The following PTPRO variants were observed in gnomAD, a reference collection of about 807,000 sequenced individuals.
The protein encoded by PTPRO is protein tyrosine phosphatase receptor type O.
A neutral mutation model predicts 145.2 loss-of-function variants in PTPRO; 62 were observed. The observed-to-expected ratio is 0.43, with a 90% confidence interval of 0.35 to 0.53. The LOEUF is 0.53. Among genes scored for constraint, PTPRO ranks in the 20% least tolerant of loss-of-function variants. The pLI is 0.01. For synonymous variants in PTPRO, 565 were observed against 514.7 expected, an observed-to-expected ratio of 1.10 and a Z score of -1.32; for missense variants, 1,345 against 1,482.7, an observed-to-expected ratio of 0.91 and a Z score of 1.53.
intron 2 of PTPRO, among the ~76,000 whole-genome samples, chr12:15,489,639 A>G (rs543250333): frequency 1.3e-5 from 2 of 152,246 alleles, no homozygotes; most frequent in Admixed American, 6.5e-5. Context: ...TCTCATAGCC[A>G]TCTTGGTTTT....
intron 1 of PTPRO, chr12:15,440,415 C>A: frequency 3.8e-6 from 1 of 261,968 alleles, no homozygotes; most frequent in Non-Finnish European, 7.2e-6. Context: ...GATTTTTATA[C>A]AAGAAAAATA....
intron 23 of PTPRO, among the ~76,000 whole-genome samples, chr12:15,584,982 T>C (rs1944400026): frequency 1.3e-5 from 2 of 152,178 alleles, no homozygotes. Flanking sequence ...AGCTGGAGAC[T>C]AAAGATCATC....
chr12:15,460,940 G>A (rs901211204), intron 1 of PTPRO, among the ~76,000 whole-genome samples: 6 of 152,004 alleles, frequency 3.9e-5, no homozygotes, highest in Admixed American at 3.9e-4. Context: ...AAAATTCTCA[G>A]GCCCCAACCA....
chr12:15,383,862 T>G (rs7299930), intron 1 of PTPRO, among the ~76,000 whole-genome samples: 1 of 152,128 alleles, frequency 6.6e-6, no homozygotes, highest in Non-Finnish European at 1.5e-5. Flanking sequence ...CTCTATAGAA[T>G]GTAAATTTCC....
intron 12 of PTPRO, among the ~76,000 whole-genome samples, chr12:15,539,565 C>T (rs1943136330): frequency 6.6e-6 from 1 of 151,740 alleles, no homozygotes; most frequent in Admixed American, 6.6e-5. Context: ...AGTTCGAGAC[C>T]AGCCTGCGCA....
intron 1 of PTPRO, among the ~76,000 whole-genome samples, chr12:15,474,073 G>C (rs1460824815): frequency 6.6e-6 from 1 of 152,144 alleles, no homozygotes; most frequent in Non-Finnish European, 1.5e-5. Context: ...TATTTAACCT[G>C]TCTGGGTAAA....
intron 19 of PTPRO, among the ~76,000 whole-genome samples, chr12:15,578,152 T>C (rs954754448): frequency 1.3e-5 from 2 of 152,170 alleles, no homozygotes; most frequent in African/African-American, 4.8e-5. Context: ...CTTTGTAACA[T>C]GGAGATTGTT....
intron 16 of PTPRO, 141 bp from the exon 17 acceptor site, chr12:15,560,052 G>A (rs1371185234): frequency 2.8e-6 from 2 of 704,168 alleles, no homozygotes; most frequent in Non-Finnish European, 5.0e-6. Flanking sequence ...TTCACAGAAT[G>A]GATTAATATT....
chr12:15,395,860 A>G (rs1055005307), intron 1 of PTPRO, among the ~76,000 whole-genome samples: 1 of 151,950 alleles, frequency 6.6e-6, no homozygotes, highest in African/African-American at 2.4e-5. Flanking sequence ...AAACTCTTGT[A>G]TTGCAAAATG....
At chr12:15,355,251 C>G (rs1200212244) in intron 1 of PTPRO, among the ~76,000 whole-genome samples, 1 of 152,128 alleles carries the variant, frequency 6.6e-6, no homozygotes, top group Admixed American at 6.5e-5. Flanking sequence ...CAAAATCTTC[C>G]CCTACAAAGG....
chr12:15,512,503 T>A (rs564010714), intron 7 of PTPRO, among the ~76,000 whole-genome samples: 4 of 152,336 alleles, frequency 2.6e-5, no homozygotes, highest in Admixed American at 2.6e-4. Flanking sequence ...GAAGAAGGCA[T>A]ATCAAAATGT....
intron 23 of PTPRO, among the ~76,000 whole-genome samples, chr12:15,583,255 G>A (rs1450238856): frequency 6.6e-6 from 1 of 152,166 alleles, no homozygotes; most frequent in Non-Finnish European, 1.5e-5. Context: ...GCTGAGGCGA[G>A]CAGATCACTT....
intron 1 of PTPRO, among the ~76,000 whole-genome samples, chr12:15,400,284 C>A (rs763299373): frequency 9.4e-4 from 143 of 151,720 alleles, no homozygotes; most frequent in Non-Finnish European, 4.0e-4. Context: ...AGCCACTGTG[C>A]CAATGTGCCC....
chr12:15,497,517 T>C, intron 3 of PTPRO, 114 bp downstream of exon 3: 2 of 1,117,028 alleles, frequency 1.8e-6, no homozygotes, highest in Non-Finnish European at 1.3e-6. Flanking sequence ...ATTTGACCTA[T>C]AAATGAGCCA....
chr12:15,471,759 A>G (rs1941547562), intron 1 of PTPRO, among the ~76,000 whole-genome samples: 1 of 152,150 alleles, frequency 6.6e-6, no homozygotes, highest in Admixed American at 6.5e-5. Flanking sequence ...GTTGCCCAAA[A>G]TATATCTGAG....
chr12:15,565,741 G>A, intron 18 of PTPRO, 113 bp downstream of exon 18: 2 of 786,850 alleles, frequency 2.5e-6, no homozygotes, highest in South Asian at 3.0e-5. Flanking sequence ...AGAGGCAAAT[G>A]CATATTACAA....
intron 1 of PTPRO, among the ~76,000 whole-genome samples, chr12:15,399,653 A>G (rs532970037): frequency 6.6e-6 from 1 of 152,262 alleles, no homozygotes; most frequent in East Asian, 1.9e-4. Flanking sequence ...TATTTTTCAT[A>G]TCTTGTGTCA....
At chr12:15,478,651 T>C (rs1221211947) in intron 1 of PTPRO, among the ~76,000 whole-genome samples, 2 of 151,928 alleles carry the variant, frequency 1.3e-5, no homozygotes, top group Non-Finnish European at 2.9e-5. Flanking sequence ...CAAAAGGAGG[T>C]TAGAGTAGCC....
At chr12:15,380,362 A>C (rs1938820056) in intron 1 of PTPRO, among the ~76,000 whole-genome samples, 1 of 152,108 alleles carries the variant, frequency 6.6e-6, no homozygotes, top group African/African-American at 2.4e-5. Flanking sequence ...TATAAATTTT[A>C]TGTTTTTGCC....
Sources: allele counts gnomAD v4.1 joint callset (sites outside exome capture counted in the v4.1 genomes callset), GRCh38; gene constraint gnomAD v4.1.1; transcripts MANE v1.5; gene names NCBI Gene and HGNC (gene_info 2026-07-23, HGNC 2026-07-21).